Variants in TTC29 observed in about 807,000 individuals in gnomAD.
TTC29 encodes the protein tetratricopeptide repeat domain 29.
TTC29 carries 49 observed loss-of-function variants against 58.1 expected under a neutral mutation model. That is an observed-to-expected ratio of 0.84 (90% confidence interval 0.67 to 1.07). The LOEUF (loss-of-function observed/expected upper bound fraction) is 1.07. TTC29 is among the 50% of genes least tolerant of loss of function. The pLI is 0.00. For synonymous variants in TTC29, 209 were observed against 196.8 expected (o/e 1.06, Z -0.52); for missense variants, 582 against 555.6 (o/e 1.05, Z -0.48).
At chr4:146,942,564 C>A in intron 2 of TTC29, 2 of 1,514,504 alleles carry the variant, frequency 1.3e-6, no homozygotes, top group Admixed American at 2.0e-5. Flanking sequence ...GCTCCCCAAA[C>A]GGGCCTCCCA....
At chr4:146,903,231 A>G (rs1733273159) in intron 6 of TTC29, among the ~76,000 whole-genome samples, 1 of 152,086 alleles carries the variant, frequency 6.6e-6, no homozygotes. Context: ...CTAAAAGTAT[A>G]CCTTTCATTC....
chr4:146,941,787 CTGAG>C (rs1175561064), intron 2 of TTC29, among the ~76,000 whole-genome samples: 1 of 152,158 alleles, frequency 6.6e-6, no homozygotes, highest in African/African-American at 2.4e-5. Context: ...AAAAATCACT[CTGAG>C]TTTTTCTTTC....
chr4:146,822,121 T>TAAA, intron 9 of TTC29, among the ~76,000 whole-genome samples: 1 of 143,358 alleles, frequency 7.0e-6, no homozygotes, highest in African/African-American at 2.5e-5. Context: ...TATTTTCTTT[T>TAAA]AAAAAAAAAA....
At chr4:146,817,747 G>A (rs1751512750) in intron 10 of TTC29, among the ~76,000 whole-genome samples, 1 of 152,082 alleles carries the variant, frequency 6.6e-6, no homozygotes, top group Non-Finnish European at 1.5e-5. Flanking sequence ...ATAGATCAAT[G>A]GAACAGAACA....
chr4:146,768,122 A>T (rs1438399534), intron 11 of TTC29, among the ~76,000 whole-genome samples: 1 of 151,938 alleles, frequency 6.6e-6, no homozygotes, highest in Non-Finnish European at 1.5e-5. Context: ...ATGATATGTA[A>T]TTTTTTTAGA....
intron 4 of TTC29, among the ~76,000 whole-genome samples, chr4:146,927,399 C>G (rs550775039): frequency 6.6e-6 from 1 of 152,048 alleles, no homozygotes; most frequent in South Asian, 2.1e-4. Context: ...TTCCATTATA[C>G]GTGGCAGCCT....
At chr4:146,797,602 G>GT (rs1749912660) in intron 11 of TTC29, among the ~76,000 whole-genome samples, 1 of 150,330 alleles carries the variant, frequency 6.7e-6, no homozygotes, top group African/African-American at 2.5e-5. Context: ...AGATCTTTCT[G>GT]GTTTTTTTTG....
intron 4 of TTC29, chr4:146,934,296 T>C (rs1284620007): frequency 6.6e-6 from 1 of 152,132 alleles, no homozygotes; most frequent in African/African-American, 2.4e-5. Context: ...TTGTAGCTGA[T>C]CGGGCATACT....
intron 11 of TTC29, among the ~76,000 whole-genome samples, chr4:146,789,636 C>A (rs1007599980): frequency 2.0e-5 from 3 of 152,124 alleles, no homozygotes; most frequent in Non-Finnish European, 4.4e-5. Context: ...CTTATAATTT[C>A]TTTGAAATAA....
chr4:146,826,944 C>A (rs1727845604), intron 9 of TTC29, among the ~76,000 whole-genome samples: 1 of 151,824 alleles, frequency 6.6e-6, no homozygotes, highest in South Asian at 2.1e-4. Context: ...TGTTTTTCAG[C>A]TCCATCAGGT....
chr4:146,868,005 T>C (rs1401966504), intron 7 of TTC29, among the ~76,000 whole-genome samples: 1 of 152,158 alleles, frequency 6.6e-6, no homozygotes. Flanking sequence ...CAACTGATAA[T>C]GGATAACAAC....
intron 6 of TTC29, among the ~76,000 whole-genome samples, chr4:146,876,031 A>G (rs1475482212): frequency 6.6e-6 from 1 of 152,164 alleles, no homozygotes; most frequent in East Asian, 1.9e-4. Context: ...AGGCACTCCA[A>G]CCATAGTGGT....
At chr4:146,870,903 T>G (rs1481178812) in intron 7 of TTC29, among the ~76,000 whole-genome samples, 1 of 152,002 alleles carries the variant, frequency 6.6e-6, no homozygotes, top group Non-Finnish European at 1.5e-5. Flanking sequence ...CACTGCTGAA[T>G]TTTTAAAAAA....
chr4:146,921,056 T>C (rs1335456638), intron 4 of TTC29, among the ~76,000 whole-genome samples: 1 of 151,466 alleles, frequency 6.6e-6, no homozygotes, highest in African/African-American at 2.4e-5. Flanking sequence ...CTGTAAGTCA[T>C]GTAAATAAAT....
intron 11 of TTC29, among the ~76,000 whole-genome samples, chr4:146,788,011 AC>A (rs1749156262): frequency 6.6e-6 from 1 of 152,068 alleles, no homozygotes; most frequent in South Asian, 2.1e-4. Flanking sequence ...ATGAGTAGCA[AC>A]TGTCAGTTTA....
intron 9 of TTC29, among the ~76,000 whole-genome samples, chr4:146,823,771 T>C (rs977844910): frequency 1.3e-5 from 2 of 152,216 alleles, no homozygotes; most frequent in African/African-American, 2.4e-5. Flanking sequence ...TTCTCTCTTA[T>C]TTCCTTCAGT....
chr4:146,868,541 C>A (rs924191216), intron 7 of TTC29, among the ~76,000 whole-genome samples: 5 of 152,050 alleles, frequency 3.3e-5, no homozygotes, highest in Non-Finnish European at 7.4e-5. Context: ...CTAATTCCTG[C>A]AATATCTTAC....
chr4:146,925,360 GT>G (rs983704600), intron 4 of TTC29, among the ~76,000 whole-genome samples: 15 of 151,878 alleles, frequency 9.9e-5, no homozygotes, highest in African/African-American at 3.4e-4. Flanking sequence ...TTGGTTTAAT[GT>G]TTTTTTGAAG....
chr4:146,908,898 T>C (rs1733703648), intron 5 of TTC29, 128 bp downstream of exon 5: 4 of 787,102 alleles, frequency 5.1e-6, no homozygotes, highest in East Asian at 5.1e-5. Context: ...AGACGTTTAA[T>C]TGACTGGGTT....
Sources: allele counts gnomAD v4.1 joint callset (sites outside exome capture counted in the v4.1 genomes callset), GRCh38; gene constraint gnomAD v4.1.1; transcripts MANE v1.5; gene names NCBI Gene and HGNC (gene_info 2026-07-23, HGNC 2026-07-21).